BCAS4: variants seen among roughly 807,000 people sequenced by gnomAD.
The protein encoded by BCAS4 is breast carcinoma amplified sequence 4, also known as breast carcinoma-amplified sequence 4.
Under a neutral mutation model 15.7 loss-of-function variants are expected in BCAS4, and 9 were observed. The observed-to-expected ratio is 0.57, with a 90% CI of 0.34 to 1.00. BCAS4 has a LOEUF of 1.00. Ranked by LOEUF, BCAS4 falls within the 50% of genes least tolerant of loss-of-function variation. The pLI is 0.02. For synonymous variants in BCAS4, 101 were observed against 99.5 expected (o/e 1.02, Z -0.09); for missense variants, 225 against 239.1 (o/e 0.94, Z 0.39).
At chr20:50,829,835 T>C (rs1046996273) in intron 2 of BCAS4, among the ~76,000 whole-genome samples, 3 of 152,104 alleles carry the variant, frequency 2.0e-5, no homozygotes, top group African/African-American at 4.8e-5. Flanking sequence ...AAGCATCTGA[T>C]ACATAAGAGT....
intron 1 of BCAS4, among the ~76,000 whole-genome samples, chr20:50,803,337 G>A (rs535756486): frequency 6.6e-6 from 1 of 152,350 alleles, no homozygotes; most frequent in South Asian, 2.1e-4. Context: ...ACAGAGTGCT[G>A]AGTGAGAGGT....
intron 3 of BCAS4, among the ~76,000 whole-genome samples, chr20:50,835,829 G>C (rs781190428): frequency 5.9e-5 from 9 of 152,150 alleles, no homozygotes; most frequent in Non-Finnish European, 1.3e-4. Flanking sequence ...CTCTGTAACT[G>C]ATGCTCCATT....
chr20:50,818,482 T>C (rs1197100590), intron 2 of BCAS4, among the ~76,000 whole-genome samples, 200 bp downstream of exon 2: 1 of 152,204 alleles, frequency 6.6e-6, no homozygotes, highest in African/African-American at 2.4e-5. Flanking sequence ...CAACCCCAAG[T>C]GCTTCCTGAG....
At chr20:50,821,945 A>AT (rs529391234) in intron 2 of BCAS4, among the ~76,000 whole-genome samples, 72 of 152,184 alleles carry the variant, frequency 4.7e-4, no homozygotes, top group African/African-American at 1.6e-3. Flanking sequence ...CAGAACATTT[A>AT]TTTTTTCCTC....
At chr20:50,855,273 T>C (rs1978695624) in intron 4 of BCAS4, among the ~76,000 whole-genome samples, 1 of 152,118 alleles carries the variant, frequency 6.6e-6, no homozygotes, top group African/African-American at 2.4e-5. Flanking sequence ...TCCATCTCTG[T>C]TGGTATTCTG....
At chr20:50,875,006 C>T (rs371347226) in intron 4 of BCAS4, among the ~76,000 whole-genome samples, 24 of 152,260 alleles carry the variant, frequency 1.6e-4, no homozygotes, top group African/African-American at 5.5e-4. Context: ...TCATCTCCAC[C>T]GGCTCCAACC....
intron 3 of BCAS4, among the ~76,000 whole-genome samples, chr20:50,834,451 C>A (rs145835781): frequency 1.5e-3 from 231 of 151,756 alleles, no homozygotes; most frequent in Non-Finnish European, 1.9e-3. Context: ...AGGCCCACCA[C>A]ACCTGGCTGA....
Position 50,795,162 on chromosome 20 carries a change from C to A in BCAS4, c.79C>A (p.Pro27Thr), listed in dbSNP as rs770828267. ...GCTCGCGCTCTTCCTGACCCCCGAG[C>A]CTGGGGCCGAGGTAGGGGACGGGGC... ...RELALFLTPE[P>T]GAEAKEVEET... The change falls in exon 1 of 5, where the codon CCT becomes ACT. Residue 27 changes from proline (P) to threonine (T), a missense_variant. By Grantham distance (38) the Pro-to-Thr change is conservative. Coordinates refer to ENST00000371608, the MANE Select transcript of BCAS4 (RefSeq NM_198799.4). 1 of 1,453,598 alleles carries A rather than the reference C, an allele frequency of 6.9e-7. No homozygotes were observed. The highest frequency in any genetic ancestry group is 1.3e-5 in the South Asian group (1 of 74,496). 90.0% of individuals were successfully genotyped at this position (1,453,598 alleles called of 1,614,324 possible).
chr20:50,843,361 C>G (rs1468031484), intron 4 of BCAS4, among the ~76,000 whole-genome samples: 2 of 152,180 alleles, frequency 1.3e-5, no homozygotes, highest in African/African-American at 4.8e-5. Context: ...AACAGTATCT[C>G]CATTTAACAG....
chr20:50,804,126 C>T (rs1359212962), intron 1 of BCAS4, among the ~76,000 whole-genome samples: 1 of 152,134 alleles, frequency 6.6e-6, no homozygotes, highest in Non-Finnish European at 1.5e-5. Context: ...GCAACCTCTG[C>T]CTCCCGGGTT....
chr20:50,795,265 C>T, intron 1 of BCAS4, 92 bp downstream of exon 1: 1 of 1,159,466 alleles, frequency 8.6e-7, no homozygotes, highest in African/African-American at 1.6e-5. Flanking sequence ...CATCCTCTCG[C>T]TCCCGGAGTG....
rs1483793345 is a variant in BCAS4 at position 50,852,862 on chromosome 20, C to T, written c.399+10962C>T. 3.9e-5 allele frequency among the ~76,000 whole-genome samples: 6 copies of T among 152,148 alleles called. No individual in the cohort carries two copies. In the East Asian group the frequency reaches 7.7e-4, roughly 20 times the overall value. On this transcript the variant is annotated intron_variant, in intron 4 of 4. Transcript: ENST00000371608. ...ACCCAGAGGACCCAGGACATGAACT[C>T]GTGGGTGGGTACCCACCTCTCCCTG...
At chr20:50,796,478 TA>T (rs1569013246) in intron 1 of BCAS4, among the ~76,000 whole-genome samples, 287 of 14,560 alleles carry the variant, frequency 0.02, 5 homozygotes, top group African/African-American at 0.037. Context: ...TATATATATA[TA>T]TATATATATT....
intron 1 of BCAS4, among the ~76,000 whole-genome samples, chr20:50,801,726 G>T (rs1183521412): frequency 1.3e-5 from 2 of 152,204 alleles, no homozygotes; most frequent in African/African-American, 4.8e-5. Context: ...ATGGTACCTG[G>T]TGTTGCAGGT....
chr20:50,842,386 C>T (rs2088495533), intron 4 of BCAS4, among the ~76,000 whole-genome samples: 1 of 152,198 alleles, frequency 6.6e-6, no homozygotes, highest in Non-Finnish European at 1.5e-5. Context: ...GGATCCTCTC[C>T]GTGGCCCCGC....
chr20:50,802,489 A>G (rs1179969799), intron 1 of BCAS4, among the ~76,000 whole-genome samples: 4 of 152,236 alleles, frequency 2.6e-5, no homozygotes, highest in African/African-American at 9.6e-5. Flanking sequence ...CTCACAGGAC[A>G]TGGCCTTGCT....
At chr20:50,861,200 C>A (rs1359661187) in intron 4 of BCAS4, among the ~76,000 whole-genome samples, 2 of 152,192 alleles carry the variant, frequency 1.3e-5, no homozygotes. Context: ...TAGGCGTCTC[C>A]TGTGCGGCAG....
intron 3 of BCAS4, among the ~76,000 whole-genome samples, chr20:50,840,275 A>C (rs2088460496): frequency 6.6e-6 from 1 of 152,204 alleles, no homozygotes; most frequent in Non-Finnish European, 1.5e-5. Flanking sequence ...AATTAAAATC[A>C]TTTGAACAAC....
chr20:50,871,371 C>T (rs1324281883), intron 4 of BCAS4, among the ~76,000 whole-genome samples: 1 of 152,234 alleles, frequency 6.6e-6, no homozygotes, highest in Non-Finnish European at 1.5e-5. Context: ...GGGAAATGGT[C>T]CTGTCCACCC....
Sources: gnomAD v4.1 joint callset for allele counts (sites outside exome capture counted in the v4.1 genomes callset) on GRCh38, gnomAD v4.1.1 for gene constraint, MANE v1.5 for transcripts, NCBI Gene and HGNC (gene_info 2026-07-23, HGNC 2026-07-21) for gene names.